The following GRID1 variants were observed in gnomAD, a reference collection of about 807,000 sequenced individuals.
GRID1 encodes the protein glutamate receptor ionotropic, delta-1.
GRID1 carries 28 observed loss-of-function variants against 98.0 expected under a neutral mutation model. That is an observed-to-expected ratio of 0.29 (90% CI 0.21 to 0.39). The LOEUF (loss-of-function observed/expected upper bound fraction) is 0.39, where lower values mean the gene tolerates loss of function less well. Ranked by LOEUF, GRID1 falls within the 10% of genes least tolerant of loss-of-function variation. GRID1 has a pLI of 1.00. For synonymous variants in GRID1, 553 were observed against 538.5 expected (o/e 1.03, Z -0.37); for missense variants, 1,111 against 1,340.5 (o/e 0.83, Z 2.67).
At chr10:86,310,916 C>A (rs973725579) in intron 2 of GRID1, among the ~76,000 whole-genome samples, 2 of 152,208 alleles carry the variant, frequency 1.3e-5, no homozygotes, top group African/African-American at 4.8e-5. Flanking sequence ...CCATCCCAGA[C>A]AGCAGAGGGT....
At chr10:86,136,650 A>G (rs4934156) in intron 4 of GRID1, among the ~76,000 whole-genome samples, 64,708 of 152,160 alleles carry the variant, frequency 0.43, 16,820 homozygotes, top group African/African-American at 0.73. Flanking sequence ...CCTACTAATG[A>G]CAGGCGCATG....
At chr10:85,909,324 T>G (rs1841504310) in intron 5 of GRID1, among the ~76,000 whole-genome samples, 1 of 152,194 alleles carries the variant, frequency 6.6e-6, no homozygotes. Flanking sequence ...CAACTGGAAC[T>G]CTCAGCAACT....
rs1842374228 is a variant in GRID1, at chr10:85,780,749, GC to G, written c.1234-51136del. ...TGCTGTGGGATCCTGGGTGAGCTAC[GC>G]CTCCCTTCTGTAAAATGGGGTCAAT... On this transcript the variant is annotated intron_variant, in intron 8 of 15. Transcript: ENST00000327946. Among the ~76,000 whole-genome samples the G allele has an allele frequency of 6.6e-5, 10 of 152,316 alleles. No homozygotes were observed. In the South Asian group the frequency reaches 2.1e-3, roughly 32 times the overall value.
In GRID1 at chr10:85,916,596, C is replaced by T. The variant is rs1385812136; in HGVS notation, c.727-357G>A. ...GGGGCGCTTAGGGGATGAGTGTTAT[C>T]ATTACTCCAGGCTACAGAATCAGGA... On this transcript the variant is annotated intron_variant, in intron 4 of 15. Coordinates refer to ENST00000327946, the MANE Select transcript of GRID1 (RefSeq NM_017551.3). This position sits in a 1 kb window ranked among gnomAD's most constrained non-coding sequence, Gnocchi z 4.0. Among the ~76,000 whole-genome samples, 1 of 152,178 alleles carries T rather than the reference C, an allele frequency of 6.6e-6. No homozygotes were observed. The highest frequency in any genetic ancestry group is 2.4e-5 in the African/African-American group (1 of 41,452).
chr10:86,196,159 A>T (rs187629796), intron 3 of GRID1, among the ~76,000 whole-genome samples: 19 of 151,944 alleles, frequency 1.3e-4, no homozygotes, highest in Admixed American at 9.2e-4. Flanking sequence ...ATGCCATGCC[A>T]TTCACACCCT....
At chr10:85,926,670 G>A (rs1231560064) in intron 4 of GRID1, among the ~76,000 whole-genome samples, 3 of 152,136 alleles carry the variant, frequency 2.0e-5, no homozygotes, top group Non-Finnish European at 4.4e-5. Context: ...CAAAGCACCT[G>A]AAAAGGCCCC....
intron 4 of GRID1, among the ~76,000 whole-genome samples, chr10:86,067,713 GC>G (rs1049794143): frequency 1.3e-5 from 2 of 152,186 alleles, no homozygotes; most frequent in African/African-American, 2.4e-5. Context: ...GGAAGGCTAT[GC>G]CCTCCAACTG....
chr10:85,731,808 A>AAG (rs1328862076), intron 8 of GRID1, among the ~76,000 whole-genome samples: 4 of 139,986 alleles, frequency 2.9e-5, no homozygotes, highest in African/African-American at 1.1e-4. Flanking sequence ...ACAAAAAAAA[A>AAG]AAAAAGAAGA....
intron 2 of GRID1, among the ~76,000 whole-genome samples, chr10:86,311,922 T>G (rs1295720894): frequency 6.6e-6 from 1 of 152,226 alleles, no homozygotes; most frequent in Non-Finnish European, 1.5e-5. Context: ...TTTGAAACCC[T>G]TGATCTATAG....
intron 3 of GRID1, among the ~76,000 whole-genome samples, chr10:86,201,119 A>C (rs563215878): frequency 6.6e-6 from 1 of 152,344 alleles, no homozygotes; most frequent in East Asian, 1.9e-4. Flanking sequence ...AAATATGAGA[A>C]TGTTCCTATC....
chr10:86,135,911 T>C (rs1486932045), intron 4 of GRID1, among the ~76,000 whole-genome samples: 1 of 152,178 alleles, frequency 6.6e-6, no homozygotes, highest in East Asian at 1.9e-4. Flanking sequence ...AACTTACAAC[T>C]AGGAAAGCCC....
At chr10:85,784,246 T>C (rs2132730349) in intron 8 of GRID1, among the ~76,000 whole-genome samples, 1 of 152,350 alleles carries the variant, frequency 6.6e-6, no homozygotes, top group Middle Eastern at 3.4e-3. Flanking sequence ...AAAGAACTTT[T>C]ACTTTCAATA....
At chr10:85,833,811 A>T (rs995477247) in intron 8 of GRID1, among the ~76,000 whole-genome samples, 1 of 152,194 alleles carries the variant, frequency 6.6e-6, no homozygotes, top group Admixed American at 6.5e-5. Flanking sequence ...AAATTATGGA[A>T]TTGAAATATA....
chr10:85,741,733 G>A (rs1648151179), intron 8 of GRID1, among the ~76,000 whole-genome samples: 1 of 151,422 alleles, frequency 6.6e-6, no homozygotes, highest in African/African-American at 2.4e-5. Context: ...CTACAGTTGG[G>A]TCCTCCTTTT....
chr10:86,181,653 G>GA (rs1367655131), intron 3 of GRID1, among the ~76,000 whole-genome samples: 6 of 152,052 alleles, frequency 3.9e-5, no homozygotes, highest in African/African-American at 9.7e-5. Context: ...TTTCCCTAGA[G>GA]AAAAAAACAG....
chr10:86,144,539 C>T (rs57885096), intron 3 of GRID1, among the ~76,000 whole-genome samples: 30,239 of 152,008 alleles, frequency 0.2, 3,415 homozygotes, highest in Middle Eastern at 0.32. Context: ...CCCGGCCGCT[C>T]GCCCTCTCCC....
intron 4 of GRID1, among the ~76,000 whole-genome samples, chr10:86,075,857 A>G (rs950176116): frequency 6.6e-6 from 1 of 152,226 alleles, no homozygotes. Context: ...GAAGGGCACC[A>G]TAGGGCAGCT....
At chr10:86,301,979 G>A (rs1405859374) in intron 2 of GRID1, among the ~76,000 whole-genome samples, 1 of 152,230 alleles carries the variant, frequency 6.6e-6, no homozygotes, top group African/African-American at 2.4e-5. Flanking sequence ...ACACAGCCAT[G>A]ATTTGCTGCC....
At chr10:85,925,283 G>A (rs1382962436) in intron 4 of GRID1, among the ~76,000 whole-genome samples, 1 of 152,220 alleles carries the variant, frequency 6.6e-6, no homozygotes, top group Admixed American at 6.5e-5. Context: ...TTTTCTATCC[G>A]ATCTTGTCTC....
Sources: gnomAD v4.1 joint callset for allele counts (sites outside exome capture counted in the v4.1 genomes callset) on GRCh38, gnomAD v4.1.1 for gene constraint, Gnocchi (gnomAD v3.1) non-coding constraint, MANE v1.5 for transcripts, NCBI Gene and HGNC (gene_info 2026-07-23, HGNC 2026-07-21) for gene names.